The following BCAT1 variants were observed in gnomAD, a reference collection of about 807,000 sequenced individuals.
The protein encoded by BCAT1 is branched chain amino acid transaminase 1.
Under a neutral mutation model 52.4 loss-of-function variants are expected in BCAT1, and 48 were observed. That is an observed-to-expected ratio of 0.92 (90% confidence interval 0.73 to 1.16). BCAT1 has a LOEUF of 1.16. Ranked by LOEUF, BCAT1 falls within the 50% of genes most tolerant of loss-of-function variation. The pLI, the probability that BCAT1 is intolerant of heterozygous loss-of-function variation, is 0.00. For synonymous variants in BCAT1, 167 were observed against 161.3 expected, an observed-to-expected ratio of 1.04 and a Z score of -0.27; for missense variants, 451 against 457.1, an observed-to-expected ratio of 0.99 and a Z score of 0.12.
In BCAT1 at chr12:24,810,632, C is replaced by T. The variant is rs1939651102; in HGVS notation, c.*7376G>A. On this transcript the variant is annotated 3_prime_UTR_variant, in exon 11 of 11. Coordinates refer to ENST00000261192, the MANE Select transcript of BCAT1 (RefSeq NM_005504.7). ...AACCTTTGCCTAGACCTTCCAAACT[C>T]TGCGCGTAACTTCTTGAGAGATCTG... The T allele has an allele frequency of 6.6e-6, 1 of 152,140 alleles. No homozygotes were observed. Among genetic ancestry groups the T allele is most frequent in the Non-Finnish European group, 1.5e-5 (1 of 68,018 alleles). 9.4% of individuals were successfully genotyped at this position (152,140 alleles called of 1,614,324 possible).
At chr12:24,933,256 A>G (rs1448452632) in intron 1 of BCAT1, among the ~76,000 whole-genome samples, 2 of 151,564 alleles carry the variant, frequency 1.3e-5, no homozygotes, top group African/African-American at 4.8e-5. Flanking sequence ...GGTGTGCACC[A>G]CTGTGCCTGG....
intron 9 of BCAT1, among the ~76,000 whole-genome samples, chr12:24,831,889 G>A (rs1397513269): frequency 6.6e-6 from 1 of 151,884 alleles, no homozygotes; most frequent in Non-Finnish European, 1.5e-5. Context: ...ACAAAAGTAT[G>A]GCACATATAA....
At chr12:24,861,931 A>G (rs1257814235) in intron 5 of BCAT1, among the ~76,000 whole-genome samples, 1 of 152,190 alleles carries the variant, frequency 6.6e-6, no homozygotes, top group Non-Finnish European at 1.5e-5. Flanking sequence ...GGCTATTTAT[A>G]ATGCATTAGC....
intron 1 of BCAT1, among the ~76,000 whole-genome samples, chr12:24,933,102 G>C (rs4963825): frequency 0.18 from 22,404 of 127,564 alleles, 2,077 homozygotes; most frequent in East Asian, 0.32. Flanking sequence ...GAGCCACCAC[G>C]CCTGGCCTTT....
At position 24,886,590 on chromosome 12, in the gene BCAT1, C is replaced by T. The variant is rs540964126; in HGVS notation, c.280-5179G>A. On this transcript the variant is annotated intron_variant, in intron 3 of 10. Coordinates refer to ENST00000261192, the MANE Select transcript of BCAT1 (RefSeq NM_005504.7). ...TGTAAAAGCACTTTATGTGACATTGCTATTTTATCACACAGAATATTAAAA... is the reference window on the plus strand; with the variant it reads ...TGTAAAAGCACTTTATGTGACATTGTTATTTTATCACACAGAATATTAAAA... Among the ~76,000 whole-genome samples, 3 of 152,230 alleles carry T rather than the reference C, an allele frequency of 2.0e-5. No individual in the cohort carries two copies. The South Asian group carries it at 6.2e-4, about 32-fold the overall frequency.
intron 2 of BCAT1, among the ~76,000 whole-genome samples, chr12:24,899,540 C>T (rs1943039026): frequency 6.6e-6 from 1 of 151,740 alleles, no homozygotes; most frequent in Non-Finnish European, 1.5e-5. Context: ...TGGGTATTTT[C>T]CAAAGGAAAG....
chr12:24,936,016 C>T (rs1038925819), intron 1 of BCAT1, among the ~76,000 whole-genome samples: 27 of 152,320 alleles, frequency 1.8e-4, no homozygotes, highest in African/African-American at 6.3e-4. Context: ...CTTTAACATC[C>T]CTACTTCTAC....
chr12:24,908,851 T>A (rs1282366065), intron 1 of BCAT1, among the ~76,000 whole-genome samples: 3 of 152,252 alleles, frequency 2.0e-5, no homozygotes, highest in Non-Finnish European at 4.4e-5. Context: ...AGATTCGTTA[T>A]CCTGGTTCTA....
Position 24,851,755 on chromosome 12 carries a change from T to C in BCAT1, c.511-1806A>G, listed in dbSNP as rs552554577. The stretch of plus-strand genomic sequence containing the variant: ...TAAAGCTTCATTTGCCTTTTTGGGT[T>C]TCATTGTTTGGGAGGAAAAACCTAA... On this transcript the variant is annotated intron_variant, in intron 5 of 10. Coordinates refer to ENST00000261192, the MANE Select transcript of BCAT1 (RefSeq NM_005504.7). Among the ~76,000 whole-genome samples the C allele has an allele frequency of 4.6e-5, 7 of 152,336 alleles. No homozygotes were observed. The South Asian group carries it at 1.0e-3, about 23-fold the overall frequency.
At chr12:24,923,706 G>A (rs1256118413) in intron 1 of BCAT1, among the ~76,000 whole-genome samples, 1 of 152,102 alleles carries the variant, frequency 6.6e-6, no homozygotes, top group Non-Finnish European at 1.5e-5. Flanking sequence ...CACCATGCCC[G>A]GCCTTCAAGT....
chr12:24,830,959 ATAACTC>A (rs1940639386), intron 9 of BCAT1, among the ~76,000 whole-genome samples: 1 of 152,232 alleles, frequency 6.6e-6, no homozygotes, highest in Non-Finnish European at 1.5e-5. Flanking sequence ...CTGAGGGAAA[ATAACTC>A]TAAAGTAAAA....
At chr12:24,831,386 C>T (rs970106565) in intron 9 of BCAT1, among the ~76,000 whole-genome samples, 7 of 152,132 alleles carry the variant, frequency 4.6e-5, no homozygotes, top group South Asian at 2.1e-4. Context: ...TGGTGACTCA[C>T]GCCTGTAATA....
chr12:24,939,990 C>A (rs1332770430), intron 1 of BCAT1, among the ~76,000 whole-genome samples: 1 of 152,128 alleles, frequency 6.6e-6, no homozygotes, highest in Non-Finnish European at 1.5e-5. Flanking sequence ...TGTCAAAAAT[C>A]AAATATATAA....
At chr12:24,900,782 T>C (rs1380904592) in intron 2 of BCAT1, among the ~76,000 whole-genome samples, 1 of 151,994 alleles carries the variant, frequency 6.6e-6, no homozygotes, top group Non-Finnish European at 1.5e-5. Context: ...AAATACAAAA[T>C]TAGCTGGGCG....
At chr12:24,912,643 T>C (rs934184583) in intron 1 of BCAT1, among the ~76,000 whole-genome samples, 1 of 150,810 alleles carries the variant, frequency 6.6e-6, no homozygotes, top group Admixed American at 6.6e-5. Flanking sequence ...GGTGAGAGGA[T>C]TGCTTGAGTC....
chr12:24,891,780 GCT>G (rs1942846154), intron 3 of BCAT1, among the ~76,000 whole-genome samples: 1 of 149,526 alleles, frequency 6.7e-6, no homozygotes. Flanking sequence ...ATGGAGTCTT[GCT>G]CTGTCACCCA....
At chr12:24,834,553 T>G in intron 8 of BCAT1, 1 of 972,764 alleles carries the variant, frequency 1.0e-6, no homozygotes, top group Non-Finnish European at 1.2e-6. Flanking sequence ...TGAGTATTTT[T>G]TCTTAATTTA....
intron 1 of BCAT1, among the ~76,000 whole-genome samples, chr12:24,906,265 C>A (rs1180176247): frequency 6.6e-6 from 1 of 151,906 alleles, no homozygotes; most frequent in Admixed American, 6.6e-5. Context: ...CTCCTTGGAT[C>A]TGACTTGCTT....
At chr12:24,929,528 GA>G (rs1438752101) in intron 1 of BCAT1, among the ~76,000 whole-genome samples, 2 of 152,132 alleles carry the variant, frequency 1.3e-5, no homozygotes, top group African/African-American at 2.4e-5. Flanking sequence ...TATCTATAAA[GA>G]AAAAAACTTT....
Sources: allele counts gnomAD v4.1 joint callset (sites outside exome capture counted in the v4.1 genomes callset), GRCh38; gene constraint gnomAD v4.1.1; transcripts MANE v1.5; gene names NCBI Gene and HGNC (gene_info 2026-07-23, HGNC 2026-07-21).